The following PLEKHA6 variants were observed in gnomAD, a reference collection of about 807,000 sequenced individuals.
The protein encoded by PLEKHA6 is pleckstrin homology domain containing A6.
PLEKHA6 carries 60 observed loss-of-function variants against 116.7 expected under a neutral mutation model. The observed-to-expected ratio is 0.51, with a 90% CI of 0.42 to 0.64. The LOEUF is 0.64. PLEKHA6 is among the 30% of genes least tolerant of loss of function. The probability of loss-of-function intolerance (pLI) is 0.00; values close to 1 mark genes in which losing one functional copy is unlikely to be tolerated. For synonymous variants in PLEKHA6, 489 were observed against 556.1 expected (o/e 0.88, Z 1.70); for missense variants, 1,338 against 1,422.7 (o/e 0.94, Z 0.96).
intron 1 of PLEKHA6, among the ~76,000 whole-genome samples, chr1:204,282,269 A>G (rs1572052696): frequency 1.3e-5 from 2 of 152,196 alleles, no homozygotes; most frequent in Admixed American, 6.5e-5. Flanking sequence ...AAACATGGAT[A>G]CTATACAGGG....
intron 9 of PLEKHA6, chr1:204,251,657 T>C (rs1254758696): frequency 1.4e-6 from 1 of 696,728 alleles, no homozygotes; most frequent in Non-Finnish European, 2.6e-6. Flanking sequence ...GACCTACATG[T>C]AGGTATCTCC....
chr1:204,255,599 G>C, intron 9 of PLEKHA6: 1 of 702,494 alleles, frequency 1.4e-6, no homozygotes, highest in Non-Finnish European at 2.6e-6. Flanking sequence ...GCAGTGGGAT[G>C]ATAAGGGGGG....
At chr1:204,320,013 G>C (rs2103219223) in intron 1 of PLEKHA6, among the ~76,000 whole-genome samples, 1 of 152,260 alleles carries the variant, frequency 6.6e-6, no homozygotes, top group East Asian at 1.9e-4. Context: ...GAGTCCATCT[G>C]GGATATCACT....
rs1216592209 is a variant in PLEKHA6 at position 204,259,893 on chromosome 1, C to G, written c.525-153G>C. On this transcript the variant is annotated intron_variant, in intron 7 of 22. Transcript: ENST00000272203. The surrounding 1 kb of genome is among the most constrained non-coding windows in gnomAD (Gnocchi z 4.6). Reference sequence around the variant, plus strand: ...TGAACTCCAGTTCTGCTTCCTAAGTCCCACCCCTTCACCTTCTCGCTCCAG... The same window carrying G: ...TGAACTCCAGTTCTGCTTCCTAAGTGCCACCCCTTCACCTTCTCGCTCCAG... Among the ~76,000 whole-genome samples the G allele has an allele frequency of 2.6e-5, 4 of 152,052 alleles. No individual in the cohort carries two copies. Among genetic ancestry groups the G allele is most frequent in the Non-Finnish European group, 5.9e-5 (4 of 67,978 alleles).
chr1:204,277,284 G>T lies in PLEKHA6; in HGVS notation c.-94-2475C>A, dbSNP rs565734639. Reference sequence around the variant, plus strand: ...GTAGGCCTGTGGCTTCCTGGTATTCGGCCAGAATGCTACTGGTCAGAGGAC... The same window carrying T: ...GTAGGCCTGTGGCTTCCTGGTATTCTGCCAGAATGCTACTGGTCAGAGGAC... On this transcript the variant is annotated intron_variant, in intron 1 of 22. Coordinates refer to ENST00000272203, the MANE Select transcript of PLEKHA6 (RefSeq NM_014935.5). The surrounding 1 kb of genome is among the most constrained non-coding windows in gnomAD (Gnocchi z 4.1). Among the ~76,000 whole-genome samples the T allele has an allele frequency of 1.3e-5, 2 of 152,192 alleles. No individual in the cohort carries two copies. Among genetic ancestry groups the T allele is most frequent in the South Asian group, 2.1e-4 (1 of 4,812 alleles).
chr1:204,222,914 G>A (rs1659805193), intron 22 of PLEKHA6, 135 bp from the exon 23 acceptor site: 1 of 156,616 alleles, frequency 6.4e-6, no homozygotes, highest in African/African-American at 2.4e-5. Context: ...GTCCTGAGAG[G>A]GGAACAAAGG....
At chr1:204,313,440 C>T (rs2103179363) in intron 1 of PLEKHA6, 1 of 358,890 alleles carries the variant, frequency 2.8e-6, no homozygotes, top group Admixed American at 6.4e-5. Context: ...GCTCATCTGG[C>T]CTCGGGGACT....
At chr1:204,335,439 T>G (rs1031887353) in intron 1 of PLEKHA6, among the ~76,000 whole-genome samples, 3 of 151,448 alleles carry the variant, frequency 2.0e-5, no homozygotes, top group African/African-American at 7.3e-5. Context: ...CCTCCTGGAG[T>G]AGGGGACAGG....
At chr1:204,299,548 C>A (rs952073236) in intron 1 of PLEKHA6, 3 of 831,994 alleles carry the variant, frequency 3.6e-6, no homozygotes, top group Non-Finnish European at 4.3e-6. Context: ...CGGCAGCCAG[C>A]AAGCTGACAC....
intron 1 of PLEKHA6, among the ~76,000 whole-genome samples, chr1:204,329,713 C>G (rs147303105): frequency 7.2e-5 from 11 of 152,080 alleles, no homozygotes; most frequent in African/African-American, 2.4e-4. Context: ...TTAAATGACA[C>G]GATGAGGATG....
At chr1:204,229,425 AT>A (rs1388641055) in intron 18 of PLEKHA6, among the ~76,000 whole-genome samples, 3 of 152,038 alleles carry the variant, frequency 2.0e-5, no homozygotes, top group Non-Finnish European at 2.9e-5. Context: ...TCTTCTTTTT[AT>A]TTTTTAAGAA....
chr1:204,279,610 T>C (rs1487070247), intron 1 of PLEKHA6, among the ~76,000 whole-genome samples: 1 of 151,918 alleles, frequency 6.6e-6, no homozygotes, highest in Non-Finnish European at 1.5e-5. Context: ...GAAGGGAAAA[T>C]CTCAAGTGGT....
At chr1:204,346,686 C>G (rs1240166688) in intron 1 of PLEKHA6, 4 of 707,532 alleles carry the variant, frequency 5.7e-6, no homozygotes, top group African/African-American at 1.8e-5. Flanking sequence ...GAAACAGACT[C>G]TTTGTATTCT....
chr1:204,226,834 ATGGTTTCTATTTCT>A (rs758915263), intron 21 of PLEKHA6, among the ~76,000 whole-genome samples: 23 of 152,320 alleles, frequency 1.5e-4, no homozygotes, highest in Non-Finnish European at 3.2e-4. Context: ...AAAATGACAA[ATGGTTTCTATTTCT>A]ACTTCATCTA....
At chr1:204,256,798 G>T in intron 9 of PLEKHA6, 1 of 621,924 alleles carries the variant, frequency 1.6e-6, no homozygotes, top group South Asian at 1.9e-5. Context: ...GAGAAAGGAC[G>T]TACCATCTTA....
intron 1 of PLEKHA6, among the ~76,000 whole-genome samples, chr1:204,338,761 A>G (rs1390198553): frequency 6.6e-6 from 1 of 152,200 alleles, no homozygotes; most frequent in Non-Finnish European, 1.5e-5. Flanking sequence ...TGGAAGTAAG[A>G]CAGGAGCAGA....
intron 1 of PLEKHA6, among the ~76,000 whole-genome samples, chr1:204,353,894 C>CA (rs1393622014): frequency 6.6e-6 from 1 of 152,154 alleles, no homozygotes; most frequent in Non-Finnish European, 1.5e-5. Flanking sequence ...TTCAATTCCC[C>CA]AGTGAGACAG....
upstream of PLEKHA6, among the ~76,000 whole-genome samples, chr1:204,364,145 G>C (rs764364980): frequency 6.6e-6 from 1 of 152,110 alleles, no homozygotes; most frequent in Non-Finnish European, 1.5e-5. Flanking sequence ...TAACTCCTCC[G>C]GTTGTCTGGC....
chr1:204,323,698 G>A (rs545191508), intron 1 of PLEKHA6, among the ~76,000 whole-genome samples: 1 of 152,358 alleles, frequency 6.6e-6, no homozygotes, highest in Admixed American at 6.5e-5. Context: ...CAGCTTACTA[G>A]AGAGGTAAAT....
Sources: gnomAD v4.1 joint callset for allele counts (sites outside exome capture counted in the v4.1 genomes callset) on GRCh38, gnomAD v4.1.1 for gene constraint, Gnocchi (gnomAD v3.1) non-coding constraint, MANE v1.5 for transcripts, NCBI Gene and HGNC (gene_info 2026-07-23, HGNC 2026-07-21) for gene names.